Variants in DNAJB14 observed in about 807,000 individuals in gnomAD.
DNAJB14 encodes the protein dnaJ homolog subfamily B member 14.
In DNAJB14, 22 loss-of-function variants were observed where a neutral mutation model predicts 48.4. The observed-to-expected ratio is 0.45, with a 90% CI of 0.32 to 0.65. The LOEUF (loss-of-function observed/expected upper bound fraction) is 0.65, where lower values mean the gene tolerates loss of function less well. Among genes scored for constraint, DNAJB14 ranks in the 30% least tolerant of loss-of-function variants. DNAJB14 has a pLI of 0.03. For missense variants in DNAJB14, 319 were observed against 458.8 expected (o/e 0.70, Z 2.78); for synonymous variants, 142 against 158.7 (o/e 0.89, Z 0.79).
At chr4:99,936,638 C>T (rs574803950) in intron 1 of DNAJB14, among the ~76,000 whole-genome samples, 1 of 152,046 alleles carries the variant, frequency 6.6e-6, no homozygotes, top group South Asian at 2.1e-4. Context: ...ATTCCTAGGG[C>T]AGAGAAAGTA....
rs1350643114 is a variant in DNAJB14 at position 99,930,767 on chromosome 4, C to CT, written c.134-147dup. On this transcript the variant is annotated intron_variant, in intron 1 of 7. Transcript: ENST00000442697. ...ATCTTTTTAATTAGCACGCATTCCC[C>CT]TAAGTACTTAACTGTTTACAGAACA... is the stretch of plus-strand genomic sequence containing the variant. 4.0e-6 allele frequency: 3 copies of CT among 754,686 alleles called. No individual in the cohort carries two copies. The African/African-American group carries it at 5.3e-5, about 13-fold the overall frequency. The allele number at this position is 754,686 out of a possible 1,614,324, so 46.7% of individuals were successfully genotyped here. A position where few individuals can be genotyped will look rare whatever the true frequency, so the allele number is the denominator to read the frequency against.
chr4:99,910,095 CACATTACACTGAAATTAATTATAT>C, intron 3 of DNAJB14, among the ~76,000 whole-genome samples: 1 of 152,124 alleles, frequency 6.6e-6, no homozygotes, highest in South Asian at 2.1e-4. Flanking sequence ...TGGATGATTA[CACATTACACTGAAATTAATTATAT>C]ACAATACTCT....
chr4:99,923,735 T>C lies in DNAJB14; in HGVS notation c.306-550A>G, dbSNP rs187041975. ...ATTTTTGATATAGATGGGGTCTTGTTATGTTGGGGCTGAGGCTAGTCTTGA... is the reference window on the plus strand; with the variant it reads ...ATTTTTGATATAGATGGGGTCTTGTCATGTTGGGGCTGAGGCTAGTCTTGA... On this transcript the variant is annotated intron_variant, in intron 2 of 7. Transcript: ENST00000442697. 9.1e-4 allele frequency: 885 copies of C among 967,564 alleles called. 9 individuals are homozygous for C. The African/African-American group carries it at 0.014, about 16-fold the overall frequency. 59.9% of individuals were successfully genotyped at this position (967,564 alleles called of 1,614,324 possible). A position where few individuals can be genotyped will look rare whatever the true frequency, so the allele number is the denominator to read the frequency against.
chr4:99,906,386 G>A, intron 5 of DNAJB14, 131 bp downstream of exon 5: 1 of 1,005,668 alleles, frequency 9.9e-7, no homozygotes, highest in East Asian at 2.6e-5. Flanking sequence ...GGATTTTCTA[G>A]TCTCTACCAA....
intron 1 of DNAJB14, among the ~76,000 whole-genome samples, chr4:99,940,730 A>C (rs1726861552): frequency 6.6e-6 from 1 of 150,702 alleles, no homozygotes; most frequent in Admixed American, 6.6e-5. Context: ...TTTAGACATT[A>C]TTAAATTAAA....
chr4:99,905,274 G>GCT (rs1419636563), intron 6 of DNAJB14, among the ~76,000 whole-genome samples: 1 of 151,942 alleles, frequency 6.6e-6, no homozygotes. Context: ...ATCAATCATT[G>GCT]CTCTGTCTTT....
At chr4:99,924,859 A>G in intron 2 of DNAJB14, 1 of 1,413,004 alleles carries the variant, frequency 7.1e-7, no homozygotes, top group Non-Finnish European at 1.0e-6. Flanking sequence ...ACTGCATAAA[A>G]AACTGAATTC....
intron 6 of DNAJB14, among the ~76,000 whole-genome samples, chr4:99,905,203 C>T (rs910668071): frequency 2.0e-5 from 3 of 151,820 alleles, no homozygotes; most frequent in Non-Finnish European, 2.9e-5. Flanking sequence ...TTTATTTAAT[C>T]GATATTTTGC....
intron 3 of DNAJB14, among the ~76,000 whole-genome samples, chr4:99,920,646 T>C (rs1038709818): frequency 6.6e-6 from 1 of 152,228 alleles, no homozygotes; most frequent in Non-Finnish European, 1.5e-5. Flanking sequence ...AAATAAAATA[T>C]TCCCCTCTTG....
At chr4:99,904,798 A>G (rs1725410239) in intron 6 of DNAJB14, among the ~76,000 whole-genome samples, 1 of 152,068 alleles carries the variant, frequency 6.6e-6, no homozygotes, top group South Asian at 2.1e-4. Flanking sequence ...AAATTACAAA[A>G]ATCAACTTGT....
At chr4:99,906,750 CT>C in intron 4 of DNAJB14, 139 bp from the exon 5 acceptor site, 1 of 641,224 alleles carries the variant, frequency 1.6e-6, no homozygotes, top group South Asian at 2.1e-5. Flanking sequence ...ACTTATTGCC[CT>C]CTCCTCTTGT....
intron 5 of DNAJB14, chr4:99,906,080 G>A (rs1186074784): frequency 7.6e-7 from 1 of 1,315,700 alleles, no homozygotes; most frequent in Admixed American, 2.3e-5. Context: ...GAGTGGCAAA[G>A]CTGGGGGCCA....
At chr4:99,930,151 C>T (rs1397256009) in intron 2 of DNAJB14, 1 of 203,178 alleles carries the variant, frequency 4.9e-6, no homozygotes, top group Non-Finnish European at 9.7e-6. Flanking sequence ...ATTCTTCATC[C>T]TCTTTTAATA....
intron 3 of DNAJB14, among the ~76,000 whole-genome samples, chr4:99,915,233 G>T (rs1322673800): frequency 6.6e-6 from 1 of 152,142 alleles, no homozygotes; most frequent in Non-Finnish European, 1.5e-5. Flanking sequence ...CGCCTCCCAG[G>T]TTCATGCCAT....
intron 3 of DNAJB14, among the ~76,000 whole-genome samples, chr4:99,918,018 A>G (rs1005327760): frequency 1.7e-4 from 26 of 152,028 alleles, no homozygotes; most frequent in African/African-American, 6.0e-4. Context: ...TCTTTTGCCA[A>G]ATTTGGGAAG....
chr4:99,902,153 T>C (rs766201156), intron 7 of DNAJB14, among the ~76,000 whole-genome samples: 13 of 152,148 alleles, frequency 8.5e-5, no homozygotes, highest in Non-Finnish European at 1.6e-4. Context: ...TGCTAACGAA[T>C]GGCAGAGTCT....
At chr4:99,945,036 A>G (rs1727019685) in intron 1 of DNAJB14, among the ~76,000 whole-genome samples, 1 of 152,212 alleles carries the variant, frequency 6.6e-6, no homozygotes, top group Non-Finnish European at 1.5e-5. Context: ...ACAAAGTAGA[A>G]TGGTAGTTGC....
chr4:99,906,240 A>T (rs1725462454), intron 5 of DNAJB14: 1 of 1,323,120 alleles, frequency 7.6e-7, no homozygotes, highest in South Asian at 1.4e-5. Context: ...TTCAGGGCCA[A>T]CAATAACAAG....
At position 99,923,799 on chromosome 4, in the gene DNAJB14, A is replaced by C. The variant is rs538324711; in HGVS notation, c.306-614T>G. On this transcript the variant is annotated intron_variant, in intron 2 of 7. Coordinates refer to ENST00000442697, the MANE Select transcript of DNAJB14 (RefSeq NM_001031723.4). ...AATGATCCTCCCATCTCAGCCTTCC[A>C]AAGTGCTGGGATTATAGGCATAAAC... is the stretch of plus-strand genomic sequence containing the variant. The C allele has an allele frequency of 2.1e-3, 2,005 of 973,312 alleles. 2 individuals are homozygous for C. The highest frequency in any genetic ancestry group is 2.3e-3 in the Non-Finnish European group (1,918 of 818,994). The allele number at this position is 973,312 out of a possible 1,614,324, so 60.3% of individuals were successfully genotyped here. A position where few individuals can be genotyped will look rare whatever the true frequency, so the allele number is the denominator to read the frequency against.
Sources: allele counts gnomAD v4.1 joint callset (sites outside exome capture counted in the v4.1 genomes callset), GRCh38; gene constraint gnomAD v4.1.1; transcripts MANE v1.5; gene names NCBI Gene and HGNC (gene_info 2026-07-23, HGNC 2026-07-21).